RIMS2: variants seen among roughly 807,000 people sequenced by gnomAD.
RIMS2 encodes the protein regulating synaptic membrane exocytosis 2, also known as regulating synaptic membrane exocytosis protein 2.
In RIMS2, 59 loss-of-function variants were observed where a neutral mutation model predicts 174.4. That is an observed-to-expected ratio of 0.34 (90% CI 0.27 to 0.42). The LOEUF (loss-of-function observed/expected upper bound fraction) is 0.42, where lower values mean the gene tolerates loss of function less well. Ranked by LOEUF, RIMS2 falls within the 10% of genes least tolerant of loss-of-function variation. RIMS2 has a pLI of 1.00. For synonymous variants in RIMS2, 606 were observed against 572.5 expected (o/e 1.06, Z -0.84); for missense variants, 1,620 against 1,666.3 (o/e 0.97, Z 0.48).
At chr8:103,603,482 G>A (rs1296249261) in intron 1 of RIMS2, among the ~76,000 whole-genome samples, 1 of 151,602 alleles carries the variant, frequency 6.6e-6, no homozygotes, top group African/African-American at 2.4e-5. Flanking sequence ...CTTTATAGCA[G>A]CATGATTTAG....
chr8:104,028,311 A>G (rs1480516197), intron 19 of RIMS2, among the ~76,000 whole-genome samples: 1 of 152,072 alleles, frequency 6.6e-6, no homozygotes, highest in Non-Finnish European at 1.5e-5. Context: ...GTCACCTCTT[A>G]GTTAAGTCTC....
intron 2 of RIMS2, among the ~76,000 whole-genome samples, chr8:103,707,995 T>C (rs2097254526): frequency 6.6e-6 from 1 of 152,192 alleles, no homozygotes; most frequent in South Asian, 2.1e-4. Context: ...AAAAGTTTCC[T>C]CTGTTTACTC....
At chr8:103,766,381 C>G (rs1386284135) in exon 3 of RIMS2, 1 of 1,613,732 alleles carries the variant, frequency 6.2e-7, no homozygotes. Flanking sequence ...GAGAAGAAAC[C>G]AAAACTACAT....
At chr8:103,730,520 T>C (rs950549935) in intron 2 of RIMS2, among the ~76,000 whole-genome samples, 3 of 152,206 alleles carry the variant, frequency 2.0e-5, no homozygotes, top group Non-Finnish European at 4.4e-5. Flanking sequence ...TGTTTCTATT[T>C]ATATCTTATT....
At chr8:103,851,224 A>G (rs538759663) in intron 3 of RIMS2, among the ~76,000 whole-genome samples, 1 of 152,062 alleles carries the variant, frequency 6.6e-6, no homozygotes, top group South Asian at 2.1e-4. Flanking sequence ...TTTCTTTTTG[A>G]TAATTCTTAG....
intron 1 of RIMS2, among the ~76,000 whole-genome samples, chr8:103,561,719 G>A (rs1260622193): frequency 6.6e-6 from 1 of 152,176 alleles, no homozygotes; most frequent in African/African-American, 2.4e-5. Context: ...GGTTACTCAA[G>A]ATCTTTATAT....
intron 19 of RIMS2, among the ~76,000 whole-genome samples, chr8:104,032,879 C>T (rs1371547394): frequency 6.6e-6 from 1 of 151,706 alleles, no homozygotes; most frequent in Non-Finnish European, 1.5e-5. Context: ...TGGCACTGAC[C>T]TATTAGAGTA....
chr8:104,251,856 T>A, exon 24 of RIMS2: 1 of 841,604 alleles, frequency 1.2e-6, no homozygotes, highest in Non-Finnish European at 1.6e-6. Context: ...GCAACCAGCG[T>A]TACAAAAAAA....
At chr8:103,550,923 C>T (rs963174411) in intron 1 of RIMS2, among the ~76,000 whole-genome samples, 2 of 152,132 alleles carry the variant, frequency 1.3e-5, no homozygotes, top group African/African-American at 4.8e-5. Context: ...CCTGAATAGA[C>T]CAACAACAGG....
chr8:104,174,773 G>T (rs186548104), intron 19 of RIMS2, among the ~76,000 whole-genome samples: 1 of 152,180 alleles, frequency 6.6e-6, no homozygotes, highest in African/African-American at 2.4e-5. Context: ...GTTCAAAATT[G>T]TGAAGCTGGA....
intron 6 of RIMS2, among the ~76,000 whole-genome samples, chr8:103,913,760 G>T (rs1358481741): frequency 6.6e-6 from 1 of 152,066 alleles, no homozygotes; most frequent in African/African-American, 2.4e-5. Context: ...GAGAGTGGGA[G>T]TGGGAAGCAA....
At chr8:104,223,782 A>G in intron 19 of RIMS2, 1 of 1,596,026 alleles carries the variant, frequency 6.3e-7, no homozygotes, top group Non-Finnish European at 8.5e-7. Flanking sequence ...TCCCTGGAGG[A>G]GGAAGAAGGA....
Position 103,988,850 on chromosome 8 carries a change from T to C in RIMS2, c.2928-455T>C, listed in dbSNP as rs73699039. Among the ~76,000 whole-genome samples, 1,368 of 152,248 alleles carry C rather than the reference T, an allele frequency of 9.0e-3. 19 individuals carry two copies. The highest frequency in any genetic ancestry group is 0.03 in the African/African-American group (1,256 of 41,552). On this transcript the variant is annotated intron_variant, in intron 16 of 23. Transcript: ENST00000504942. ...TGGCGCAAAGTGTGCAAATTTTGAC[T>C]TGTTCCCCTAAGCTCCGAACTCATG...
chr8:103,674,595 C>T (rs994305034), intron 1 of RIMS2, among the ~76,000 whole-genome samples: 5 of 151,908 alleles, frequency 3.3e-5, no homozygotes, highest in African/African-American at 1.2e-4. Context: ...TATGCCTTTA[C>T]AACTTTTCTC....
chr8:104,199,661 G>A (rs1037014854), intron 19 of RIMS2, among the ~76,000 whole-genome samples: 5 of 152,306 alleles, frequency 3.3e-5, no homozygotes, highest in East Asian at 1.9e-4. Flanking sequence ...GGGATTCAGA[G>A]AGCTGGTGGA....
intron 19 of RIMS2, among the ~76,000 whole-genome samples, chr8:104,147,410 A>T (rs2098650375): frequency 6.6e-6 from 1 of 151,308 alleles, no homozygotes; most frequent in Admixed American, 6.6e-5. Context: ...AAGATATTAC[A>T]TAGGTTAATA....
At chr8:103,794,571 G>A (rs1212188689) in intron 3 of RIMS2, among the ~76,000 whole-genome samples, 1 of 152,098 alleles carries the variant, frequency 6.6e-6, no homozygotes, top group Non-Finnish European at 1.5e-5. Context: ...ACAAAAGCCA[G>A]AATAGACTAA....
At chr8:103,800,121 T>C (rs966877735) in intron 3 of RIMS2, among the ~76,000 whole-genome samples, 11 of 152,194 alleles carry the variant, frequency 7.2e-5, no homozygotes, top group Admixed American at 3.3e-4. Flanking sequence ...TTTGCACTTA[T>C]ATATAATGTT....
intron 1 of RIMS2, among the ~76,000 whole-genome samples, chr8:103,592,328 C>G (rs1264303711): frequency 6.6e-6 from 1 of 151,016 alleles, no homozygotes; most frequent in African/African-American, 2.4e-5. Flanking sequence ...CATATTCTTC[C>G]ATTTCAGAGT....
Sources: gnomAD v4.1 joint callset for allele counts (sites outside exome capture counted in the v4.1 genomes callset) on GRCh38, gnomAD v4.1.1 for gene constraint, MANE v1.5 for transcripts, NCBI Gene and HGNC (gene_info 2026-07-23, HGNC 2026-07-21) for gene names.